The following AOPEP variants were observed in gnomAD, a reference collection of about 807,000 sequenced individuals.
AOPEP encodes aminopeptidase O.
In AOPEP, 77 loss-of-function variants were observed where a neutral mutation model predicts 98.1. The observed-to-expected ratio is 0.78, with a 90% confidence interval of 0.65 to 0.95. AOPEP has a LOEUF of 0.95. Among genes scored for constraint, AOPEP ranks in the 40% least tolerant of loss-of-function variants. The pLI, the probability that AOPEP is intolerant of heterozygous loss-of-function variation, is 0.00. For synonymous variants in AOPEP, 346 were observed against 365.3 expected (o/e 0.95, Z 0.60); for missense variants, 1,024 against 1,024.7 (o/e 1.00, Z 0.01).
At chr9:95,115,757 C>G in the AOPEP span, among the ~76,000 whole-genome samples, 1 of 152,338 alleles carries the variant, frequency 6.6e-6, no homozygotes, top group African/African-American at 2.4e-5. Flanking sequence ...ACTCCCGCGG[C>G]CCTTGGTGCA....
At chr9:94,736,090 T>G (rs1041080662) in intron 1 of AOPEP, among the ~76,000 whole-genome samples, 1 of 152,244 alleles carries the variant, frequency 6.6e-6, no homozygotes, top group Admixed American at 6.5e-5. Flanking sequence ...TTTGGTTGTT[T>G]TGCTGTGCGT....
chr9:94,769,391 G>A (rs572702044), intron 2 of AOPEP, among the ~76,000 whole-genome samples: 1 of 152,334 alleles, frequency 6.6e-6, no homozygotes, highest in East Asian at 1.9e-4. Context: ...ATGTTGGGAA[G>A]GGAAGAGTGA....
chr9:95,114,770 C>T, the AOPEP span: 2 of 1,428,414 alleles, frequency 1.4e-6, no homozygotes, highest in African/African-American at 2.8e-5. Context: ...CCATGAGGAA[C>T]CACCTGCAGG....
intron 5 of AOPEP, among the ~76,000 whole-genome samples, chr9:94,854,485 A>G (rs979405254): frequency 2.0e-5 from 3 of 152,202 alleles, no homozygotes; most frequent in African/African-American, 7.2e-5. Flanking sequence ...TGTTATAGGT[A>G]TGTGAGGGCA....
chr9:94,800,193 G>GATTAC (rs1847910026), intron 4 of AOPEP, among the ~76,000 whole-genome samples: 1 of 152,228 alleles, frequency 6.6e-6, no homozygotes, highest in Non-Finnish European at 1.5e-5. Flanking sequence ...GATGGGCTGT[G>GATTAC]TAAAGAACAT....
At position 94,956,817 on chromosome 9, in the gene AOPEP, T is replaced by A. The variant is rs138120020; in HGVS notation, c.1872+802T>A. Among the ~76,000 whole-genome samples the A allele has an allele frequency of 6.1e-4, 93 of 152,342 alleles. No homozygotes were observed. In the East Asian group the frequency reaches 0.013, roughly 21 times the overall value. On this transcript the variant is annotated intron_variant, in intron 9 of 16. Transcript: ENST00000375315. ...TTTTCATATTTGATAATTGTGCTCA[T>A]ATACAGCTGTGAGTCTCATTATCTC...
intron 16 of AOPEP, chr9:95,085,547 G>C (rs1201706943): frequency 2.0e-6 from 1 of 500,656 alleles, no homozygotes; most frequent in Non-Finnish European, 4.1e-6. Context: ...AGGTGAGATG[G>C]GGACAGTTAA....
chr9:94,880,922 A>G (rs988080727), intron 5 of AOPEP, among the ~76,000 whole-genome samples: 7 of 152,210 alleles, frequency 4.6e-5, no homozygotes, highest in Non-Finnish European at 8.8e-5. Context: ...GGATTATCCA[A>G]TGGAGCATCT....
chr9:95,041,309 G>A (rs190383341), intron 13 of AOPEP, among the ~76,000 whole-genome samples: 3 of 152,006 alleles, frequency 2.0e-5, no homozygotes, highest in African/African-American at 7.2e-5. Flanking sequence ...ATGAGAAGAT[G>A]GATTTGTGCT....
chr9:95,044,070 C>G (rs1486616110), intron 13 of AOPEP, among the ~76,000 whole-genome samples: 1 of 152,154 alleles, frequency 6.6e-6, no homozygotes, highest in Non-Finnish European at 1.5e-5. Flanking sequence ...GTGCGAAGTT[C>G]TCTGGGAGAA....
chr9:95,117,458 ACT>A, the AOPEP span: 10 of 1,331,738 alleles, frequency 7.5e-6, no homozygotes, highest in East Asian at 1.7e-4. Flanking sequence ...AAAATACAAA[ACT>A]CTGAGTCCTC....
chr9:94,982,455 G>A (rs1478301002), intron 11 of AOPEP, among the ~76,000 whole-genome samples: 1 of 151,926 alleles, frequency 6.6e-6, no homozygotes, highest in Non-Finnish European at 1.5e-5. Flanking sequence ...GCATGTAGGC[G>A]CACATTCTTT....
rs974551445 is a variant in AOPEP, at chr9:94,934,315, C to CTTTTTTTTTTTTTTTTTTTTT, written c.1661+5803_1661+5804insTTTTTTTTTTTTTTTTTTTTT. ...CTGACTATGCTCACACTTCTCCCAT[C>CTTTTTTTTTTTTTTTTTTTTT]TTTTTTTTTTTTTTTTTTTGAGACA... On this transcript the variant is annotated intron_variant, in intron 7 of 16. Coordinates refer to ENST00000375315, the MANE Select transcript of AOPEP (RefSeq NM_001193329.3). Among the ~76,000 whole-genome samples the CTTTTTTTTTTTTTTTTTTTTT allele has an allele frequency of 3.4e-5, 4 of 116,742 alleles. 1 individual carries two copies. Among genetic ancestry groups the CTTTTTTTTTTTTTTTTTTTTT allele is most frequent in the Admixed American group, 9.2e-5 (1 of 10,882 alleles). 76.6% of individuals were successfully genotyped at this position (116,742 alleles called of 152,430 possible).
intron 10 of AOPEP, among the ~76,000 whole-genome samples, chr9:94,969,378 T>A (rs1422785568): frequency 6.6e-6 from 1 of 152,094 alleles, no homozygotes; most frequent in African/African-American, 2.4e-5. Context: ...CTATCTTGAT[T>A]TAGGCGTTAA....
At chr9:94,831,018 G>A (rs1237711167) in intron 5 of AOPEP, among the ~76,000 whole-genome samples, 1 of 152,092 alleles carries the variant, frequency 6.6e-6, no homozygotes, top group Non-Finnish European at 1.5e-5. Flanking sequence ...TTACTCTGTT[G>A]ATAGTTTATT....
chr9:94,828,519 G>T (rs1472132923), intron 5 of AOPEP, among the ~76,000 whole-genome samples: 4 of 152,096 alleles, frequency 2.6e-5, no homozygotes, highest in Non-Finnish European at 4.4e-5. Flanking sequence ...GGACGCCAGG[G>T]ATAGAATAGT....
At chr9:94,862,027 A>T (rs771207289) in intron 5 of AOPEP, among the ~76,000 whole-genome samples, 18 of 152,200 alleles carry the variant, frequency 1.2e-4, no homozygotes, top group Non-Finnish European at 2.4e-4. Context: ...GATCGTGGCT[A>T]GTTTGTGAGT....
At chr9:95,004,364 T>C (rs1352262065) in intron 11 of AOPEP, 14 of 443,332 alleles carry the variant, frequency 3.2e-5, no homozygotes, top group South Asian at 1.8e-4. Context: ...GTTCTGGGGG[T>C]CCACGGCAGT....
chr9:94,795,621 T>G (rs1212680548), intron 4 of AOPEP, among the ~76,000 whole-genome samples: 3 of 152,200 alleles, frequency 2.0e-5, no homozygotes, highest in Non-Finnish European at 4.4e-5. Context: ...ATTTTGCCTT[T>G]CTAGCCATAT....
Sources: gnomAD v4.1 joint callset for allele counts (sites outside exome capture counted in the v4.1 genomes callset) on GRCh38, gnomAD v4.1.1 for gene constraint, MANE v1.5 for transcripts, NCBI Gene and HGNC (gene_info 2026-07-23, HGNC 2026-07-21) for gene names.